WDR70: variants seen among roughly 807,000 people sequenced by gnomAD.
WDR70 encodes WD repeat-containing protein 70.
In WDR70, 53 loss-of-function variants were observed where a neutral mutation model predicts 88.6. The ratio of observed to expected loss-of-function variants is 0.60; its 90% confidence interval spans 0.48 to 0.75. WDR70 has a LOEUF of 0.75. WDR70 is among the 30% of genes least tolerant of loss of function. The pLI is 0.00. For missense variants in WDR70, 610 were observed against 823.2 expected (o/e 0.74, Z 3.17); for synonymous variants, 280 against 270.0 (o/e 1.04, Z -0.36).
chr5:37,715,673 A>G (rs1438630263), intron 13 of WDR70, among the ~76,000 whole-genome samples: 3 of 152,178 alleles, frequency 2.0e-5, no homozygotes, highest in Non-Finnish European at 4.4e-5. Context: ...GGAGGGAACA[A>G]AGACAGGACA....
chr5:37,550,405 C>T (rs1035837663), intron 9 of WDR70, among the ~76,000 whole-genome samples: 2 of 152,124 alleles, frequency 1.3e-5, no homozygotes, highest in Non-Finnish European at 2.9e-5. Context: ...ATGATCTGTT[C>T]TTGAGAATGA....
intron 10 of WDR70, among the ~76,000 whole-genome samples, chr5:37,637,461 C>T (rs779386750): frequency 2.4e-4 from 37 of 152,020 alleles, no homozygotes; most frequent in Non-Finnish European, 7.4e-5. Flanking sequence ...TAAGTCAGCT[C>T]ACTTAAGCCC....
chr5:37,388,366 G>T (rs762395830), intron 3 of WDR70, among the ~76,000 whole-genome samples: 1 of 149,332 alleles, frequency 6.7e-6, no homozygotes, highest in Non-Finnish European at 1.5e-5. Context: ...TCTGCCTGCC[G>T]CAGCCTCCCA....
At chr5:37,563,984 C>T (rs1324544926) in intron 9 of WDR70, among the ~76,000 whole-genome samples, 56 of 147,254 alleles carry the variant, frequency 3.8e-4, no homozygotes, top group African/African-American at 1.3e-3. Context: ...CTGGCAGAGA[C>T]GCTCCTCACT....
intron 8 of WDR70, among the ~76,000 whole-genome samples, chr5:37,502,521 TG>T (rs1264258671): frequency 6.6e-6 from 1 of 152,242 alleles, no homozygotes; most frequent in East Asian, 1.9e-4. Flanking sequence ...TTTTATCGGA[TG>T]TTTTTTATGC....
At chr5:37,608,126 C>G (rs1458165173) in intron 10 of WDR70, among the ~76,000 whole-genome samples, 1 of 150,846 alleles carries the variant, frequency 6.6e-6, no homozygotes, top group Non-Finnish European at 1.5e-5. Flanking sequence ...ACTGCTACCT[C>G]CACCTCCCGG....
At chr5:37,384,792 T>G (rs1430747194) in intron 3 of WDR70, among the ~76,000 whole-genome samples, 1 of 152,068 alleles carries the variant, frequency 6.6e-6, no homozygotes, top group African/African-American at 2.4e-5. Context: ...AGTACTTTAT[T>G]TCTGACACCA....
chr5:37,429,569 A>G (rs949981844), intron 5 of WDR70, among the ~76,000 whole-genome samples: 18 of 152,124 alleles, frequency 1.2e-4, no homozygotes, highest in East Asian at 3.8e-4. Flanking sequence ...TTGATACCCA[A>G]TTGTTTGAGT....
At chr5:37,477,851 C>T (rs1288692389) in intron 7 of WDR70, among the ~76,000 whole-genome samples, 1 of 152,144 alleles carries the variant, frequency 6.6e-6, no homozygotes, top group Non-Finnish European at 1.5e-5. Flanking sequence ...CTACTTCTTG[C>T]TCACCTGATT....
At chr5:37,409,232 C>T (rs1401446553) in intron 5 of WDR70, among the ~76,000 whole-genome samples, 1 of 152,218 alleles carries the variant, frequency 6.6e-6, no homozygotes, top group Middle Eastern at 3.4e-3. Context: ...AGCCACCATG[C>T]CTGGCTGAAT....
At chr5:37,597,731 G>C (rs1374369033) in intron 9 of WDR70, among the ~76,000 whole-genome samples, 1 of 152,150 alleles carries the variant, frequency 6.6e-6, no homozygotes, top group Admixed American at 6.5e-5. Flanking sequence ...TTCACCAGGA[G>C]CCAAGCAGAT....
At chr5:37,612,598 T>G (rs1201335374) in intron 10 of WDR70, among the ~76,000 whole-genome samples, 2 of 152,166 alleles carry the variant, frequency 1.3e-5, no homozygotes, top group African/African-American at 4.8e-5. Flanking sequence ...GTACTTACAG[T>G]TTTTGTAGAA....
At chr5:37,486,430 G>A in intron 8 of WDR70, among the ~76,000 whole-genome samples, 1 of 150,962 alleles carries the variant, frequency 6.6e-6, no homozygotes, top group African/African-American at 2.4e-5. Flanking sequence ...TACAACCTCT[G>A]TCTCCCGGGT....
chr5:37,415,255 A>G (rs1581260189), intron 5 of WDR70, among the ~76,000 whole-genome samples: 2 of 151,590 alleles, frequency 1.3e-5, no homozygotes, highest in South Asian at 2.1e-4. Flanking sequence ...ATTCCACAAA[A>G]CCGCCATTGT....
At chr5:37,557,901 A>ATACTCTTTTGAAGACTCTTCAAAAGAG (rs1561900701) in intron 9 of WDR70, among the ~76,000 whole-genome samples, 3 of 30,804 alleles carry the variant, frequency 9.7e-5, no homozygotes, top group African/African-American at 3.3e-4. Context: ...CTTCAGATTT[A>ATACTCTTTTGAAGACTCTTCAAAAGAG]TACTCTTTTG....
chr5:37,721,382 A>G (rs1747811215), intron 14 of WDR70, 167 bp downstream of exon 14: 3 of 627,898 alleles, frequency 4.8e-6, no homozygotes. Flanking sequence ...GTGCTTTAAA[A>G]AGGATTTGAA....
chr5:37,401,207 T>TA (rs1749182360), intron 5 of WDR70, among the ~76,000 whole-genome samples: 1 of 141,340 alleles, frequency 7.1e-6, no homozygotes. Flanking sequence ...GATGAGGTCT[T>TA]ACTACATTGC....
intron 17 of WDR70, among the ~76,000 whole-genome samples, chr5:37,727,631 A>G (rs1485378769): frequency 6.6e-6 from 1 of 152,150 alleles, no homozygotes; most frequent in Admixed American, 6.5e-5. Flanking sequence ...GCTGGAGTAC[A>G]GTGGCATGAT....
intron 7 of WDR70, among the ~76,000 whole-genome samples, chr5:37,461,043 G>A (rs552803712): frequency 2.8e-4 from 42 of 149,630 alleles, no homozygotes; most frequent in African/African-American, 1.0e-3. Flanking sequence ...TGCTCAGGAT[G>A]CATGTGTGTG....
Sources: allele counts gnomAD v4.1 joint callset (sites outside exome capture counted in the v4.1 genomes callset), GRCh38; gene constraint gnomAD v4.1.1; transcripts MANE v1.5; gene names NCBI Gene and HGNC (gene_info 2026-07-23, HGNC 2026-07-21).